CNGB1: variants seen among roughly 807,000 people sequenced by gnomAD.
The protein encoded by CNGB1 is cyclic nucleotide gated channel subunit beta 1.
Under a neutral mutation model 151.7 loss-of-function variants are expected in CNGB1, and 126 were observed. The observed-to-expected ratio is 0.83, with a 90% CI of 0.72 to 0.96. The LOEUF (loss-of-function observed/expected upper bound fraction) is 0.96, where lower values mean the gene tolerates loss of function less well. Ranked by LOEUF, CNGB1 falls within the 40% of genes least tolerant of loss-of-function variation. CNGB1 has a pLI of 0.00. For synonymous variants in CNGB1, 623 were observed against 635.1 expected (o/e 0.98, Z 0.29); for missense variants, 1,698 against 1,627.0 (o/e 1.04, Z -0.75).
intron 26 of CNGB1, among the ~76,000 whole-genome samples, chr16:57,904,359 G>A (rs1029739185): frequency 2.6e-5 from 4 of 152,138 alleles, no homozygotes; most frequent in Admixed American, 2.6e-4. Context: ...GTTCCTCGGG[G>A]CGGGGCCCTT....
At chr16:57,917,245 A>G in intron 21 of CNGB1, 23 bp downstream of exon 21, 1 of 1,604,394 alleles carries the variant, frequency 6.2e-7, no homozygotes, top group South Asian at 1.1e-5. Flanking sequence ...CGGTCACCCC[A>G]ACACCACCTG....
chr16:57,949,571 C>T, intron 13 of CNGB1, 132 bp from the exon 14 acceptor site: 1 of 1,444,986 alleles, frequency 6.9e-7, no homozygotes, highest in Non-Finnish European at 9.6e-7. Flanking sequence ...CAAGGCTCAA[C>T]CTGGGGAGCC....
intron 20 of CNGB1, among the ~76,000 whole-genome samples, chr16:57,917,961 T>C (rs966062100): frequency 3.3e-5 from 5 of 152,040 alleles, no homozygotes; most frequent in African/African-American, 1.2e-4. Flanking sequence ...TCCCAAAATG[T>C]ATTTTCTTCC....
chr16:57,905,804 T>C lies in CNGB1; in HGVS notation c.2493-929A>G, dbSNP rs571728043. Reference sequence around the variant, plus strand: ...GTGGACACTGTGGCCTTCAAGACATTGTCTTGGAAGCAGAGAGCAGCCCTC... The same window carrying C: ...GTGGACACTGTGGCCTTCAAGACATCGTCTTGGAAGCAGAGAGCAGCCCTC... On this transcript the variant is annotated intron_variant, in intron 25 of 32. Transcript: ENST00000251102. Among the ~76,000 whole-genome samples, 17 of 152,344 alleles carry C rather than the reference T, an allele frequency of 1.1e-4. No homozygotes were observed. In the East Asian group the frequency reaches 3.3e-3, roughly 29 times the overall value.
intron 29 of CNGB1, among the ~76,000 whole-genome samples, chr16:57,898,319 G>T (rs1414812574): frequency 6.6e-6 from 1 of 152,168 alleles, no homozygotes; most frequent in Non-Finnish European, 1.5e-5. Flanking sequence ...CATCTCAGGG[G>T]CTCGGGAAGA....
chr16:57,951,056 T>G (rs1224438322), intron 12 of CNGB1, among the ~76,000 whole-genome samples: 1 of 152,174 alleles, frequency 6.6e-6, no homozygotes, highest in Non-Finnish European at 1.5e-5. Context: ...CTTCCCTCCC[T>G]CCTGGGTCTA....
chr16:57,907,386 T>C (rs1275323949), intron 25 of CNGB1, among the ~76,000 whole-genome samples: 2 of 148,758 alleles, frequency 1.3e-5, no homozygotes, highest in Non-Finnish European at 3.0e-5. Context: ...TTAGCTCCAA[T>C]GTCTGGGGGG....
chr16:57,930,619 C>T (rs1432182957), intron 17 of CNGB1, among the ~76,000 whole-genome samples: 1 of 151,770 alleles, frequency 6.6e-6, no homozygotes, highest in East Asian at 1.9e-4. Flanking sequence ...AATAAAAGAA[C>T]AAAGAAAAGA....
chr16:57,942,482 T>TATAAA (rs1350122968), intron 14 of CNGB1, among the ~76,000 whole-genome samples: 1 of 152,116 alleles, frequency 6.6e-6, no homozygotes, highest in Non-Finnish European at 1.5e-5. Flanking sequence ...TTACAATAGC[T>TATAAA]ATAAAATAAA....
intron 26 of CNGB1, 44 bp from the exon 27 acceptor site, chr16:57,904,025 TG>T (rs1434603714): frequency 6.3e-7 from 1 of 1,587,648 alleles, no homozygotes; most frequent in African/African-American, 1.3e-5. Flanking sequence ...ACTGGGTCAT[TG>T]GGGGTGGGCG....
intron 31 of CNGB1, among the ~76,000 whole-genome samples, chr16:57,894,210 T>C (rs1960165257): frequency 1.3e-5 from 2 of 152,228 alleles, no homozygotes; most frequent in Admixed American, 6.5e-5. Context: ...TCTGCACTGA[T>C]AGACAATGAT....
chr16:57,969,178 C>T (rs1050782667), intron 1 of CNGB1, among the ~76,000 whole-genome samples: 12 of 152,184 alleles, frequency 7.9e-5, no homozygotes, highest in African/African-American at 2.2e-4. Context: ...TGGTGGTGTG[C>T]ACTTGTAATC....
At chr16:57,916,812 CT>C (rs1355089225) in intron 21 of CNGB1, among the ~76,000 whole-genome samples, 6 of 152,132 alleles carry the variant, frequency 3.9e-5, no homozygotes, top group Non-Finnish European at 7.4e-5. Context: ...TGCAGGACCC[CT>C]GGGAGAAGTC....
intron 3 of CNGB1, 79 bp from the exon 4 acceptor site, chr16:57,964,281 G>C: frequency 3.3e-6 from 5 of 1,513,238 alleles, no homozygotes; most frequent in Non-Finnish European, 4.6e-6. Context: ...GATCAAGTCA[G>C]GGGAGAGGAG....
intron 26 of CNGB1, among the ~76,000 whole-genome samples, chr16:57,904,300 G>A (rs746795357): frequency 5.8e-4 from 89 of 152,176 alleles, no homozygotes; most frequent in Admixed American, 1.4e-3. Flanking sequence ...CGGTGACGGC[G>A]GCCATGTTGT....
At chr16:57,892,276 T>C (rs1397268056) in intron 31 of CNGB1, among the ~76,000 whole-genome samples, 1 of 152,132 alleles carries the variant, frequency 6.6e-6, no homozygotes, top group African/African-American at 2.4e-5. Context: ...CAAGTCCATT[T>C]CAGTGAGGAG....
chr16:57,885,582 CTTTCTTTCTT>C lies in CNGB1; in HGVS notation c.3463-1135_3463-1126del, dbSNP rs1567359832. Among the ~76,000 whole-genome samples the C allele has an allele frequency of 5.4e-4, 56 of 104,182 alleles. No individual in the cohort carries two copies. In the East Asian group the frequency reaches 6.2e-3, roughly 11 times the overall value. 68.3% of individuals were successfully genotyped at this position (104,182 alleles called of 152,430 possible). ...CCTCTCTCTCTCTCTCTCTCTCTTT[CTTTCTTTCTT>C]TCTTTCTTTCTTTCTTTCTTAGACG... On this transcript the variant is annotated intron_variant, in intron 32 of 32. Coordinates refer to ENST00000251102, the MANE Select transcript of CNGB1 (RefSeq NM_001297.5).
Position 57,914,701 on chromosome 16 carries a change from G to A in CNGB1, c.2304+548C>T, listed in dbSNP as rs560359627. Among the ~76,000 whole-genome samples the A allele has an allele frequency of 1.9e-3, 289 of 152,326 alleles. 1 individual carries two copies. Among genetic ancestry groups the A allele is most frequent in the African/African-American group, 6.5e-3 (269 of 41,576 alleles). ...TGGAGACTTTCGCTCTGCCCAGTGA[G>A]TGCCAGAAGGAATGGCTGGAATGAC... On this transcript the variant is annotated intron_variant, in intron 23 of 32. Coordinates refer to ENST00000251102, the MANE Select transcript of CNGB1 (RefSeq NM_001297.5).
chr16:57,908,687 T>G (rs1960624138), intron 25 of CNGB1, among the ~76,000 whole-genome samples: 2 of 152,138 alleles, frequency 1.3e-5, no homozygotes, highest in South Asian at 4.1e-4. Flanking sequence ...GAGTCACACT[T>G]GGGGACTCCT....
Sources: allele counts gnomAD v4.1 joint callset (sites outside exome capture counted in the v4.1 genomes callset), GRCh38; gene constraint gnomAD v4.1.1; transcripts MANE v1.5; gene names NCBI Gene and HGNC (gene_info 2026-07-23, HGNC 2026-07-21).